METTL2B: variants seen among roughly 807,000 people sequenced by gnomAD.
METTL2B encodes the protein methyltransferase 2B, tRNA N3-cytidine, also known as tRNA N(3)-cytidine methyltransferase METTL2B.
Under a neutral mutation model 51.0 loss-of-function variants are expected in METTL2B, and 28 were observed. That is an observed-to-expected ratio of 0.55 (90% CI 0.41 to 0.75). The LOEUF is 0.75. Among genes scored for constraint, METTL2B ranks in the 30% least tolerant of loss-of-function variants. The probability of loss-of-function intolerance (pLI) is 0.00; values close to 1 mark genes in which losing one functional copy is unlikely to be tolerated. For missense variants in METTL2B, 313 were observed against 460.7 expected, an observed-to-expected ratio of 0.68 and a Z score of 2.93; for synonymous variants, 128 against 166.3, an observed-to-expected ratio of 0.77 and a Z score of 1.77.
At chr7:128,484,234 T>TTTTTTTTTTGTTTTTG (rs1792656678) in intron 4 of METTL2B, 2 of 127,280 alleles carry the variant, frequency 1.6e-5, no homozygotes, top group East Asian at 5.1e-4. Flanking sequence ...TTTTTTTTTT[T>TTTTTTTTTTGTTTTTG]TTTTTTTTTT....
Position 128,503,599 on chromosome 7 carries a change from TA to T in METTL2B, c.*1685del, listed in dbSNP as rs1793070738. ...GCAGGTGGGCACCATCATGCCTAGC[TA>T]ATTGTTAGATCCTTTTTTTTTATGT... On this transcript the variant is annotated 3_prime_UTR_variant, in exon 9 of 9. Transcript: ENST00000262432. The T allele has an allele frequency of 6.6e-6, 1 of 152,230 alleles. No homozygotes were observed. Among genetic ancestry groups the T allele is most frequent in the Non-Finnish European group, 1.5e-5 (1 of 68,048 alleles). The allele number at this position is 152,230 out of a possible 1,614,324, so 9.4% of individuals were successfully genotyped here. A position where few individuals can be genotyped will look rare whatever the true frequency, so the allele number is the denominator to read the frequency against.
rs148691648 is a variant in METTL2B, at chr7:128,498,130, C to T, written c.904C>T (p.Arg302Trp). ...DYGRYDMAQL[R>W]FKKGQCLSGN... ...CGGCCGCTATGACATGGCTCAGCTTCGGTTTAAAAAAGGTATTTTGAGAGT... is the reference window on the plus strand; with the variant it reads ...CGGCCGCTATGACATGGCTCAGCTTTGGTTTAAAAAAGGTATTTTGAGAGT... Residue 302 changes from arginine (R) to tryptophan (W), a missense_variant, in exon 7 of 9, where the codon CGG becomes TGG. Physicochemically the swap from Arg to Trp is moderately radical, Grantham distance 101 (BLOSUM62 -3). Transcript: ENST00000262432. The T allele has an allele frequency of 5.6e-5, 91 of 1,613,636 alleles. No individual in the cohort carries two copies. The African/African-American group carries it at 8.1e-4, about 14-fold the overall frequency.
rs1793076109 is a variant in METTL2B, at chr7:128,503,969, G to C, written c.*2053G>C. The C allele has an allele frequency of 6.6e-6, 1 of 152,202 alleles. No individual in the cohort carries two copies. The highest frequency in any genetic ancestry group is 6.6e-5 in the Admixed American group (1 of 15,264). 9.4% of individuals were successfully genotyped at this position (152,202 alleles called of 1,614,324 possible). A position where few individuals can be genotyped will look rare whatever the true frequency, so the allele number is the denominator to read the frequency against. Reference sequence around the variant, plus strand: ...GCTGAGATGGTGCCATTGCACTCCAGCCTGGGCGACAAGAGCGAAACTGCA... The same window carrying C: ...GCTGAGATGGTGCCATTGCACTCCACCCTGGGCGACAAGAGCGAAACTGCA... On this transcript the variant is annotated 3_prime_UTR_variant, in exon 9 of 9. Coordinates refer to ENST00000262432, the MANE Select transcript of METTL2B (RefSeq NM_018396.3).
rs370089224 is a variant in METTL2B, at chr7:128,498,081, G to A, written c.855G>A (p.Gly285=). ...GGCTGAGCAGGCTTCTGAAACCTGG[G>A]GGGATGGTACTTCTGCGAGATTACG... is the stretch of plus-strand genomic sequence containing the variant. ...INRLSRLLKP[G]GMVLLRDYGR... is the part of the protein sequence containing the mutation. The change falls in exon 7 of 9, where the codon GGG becomes GGA. Residue 285 remains glycine (G), a synonymous_variant. Transcript: ENST00000262432. 1.9e-6 allele frequency: 3 copies of A among 1,613,866 alleles called. No individual in the cohort carries two copies. Among genetic ancestry groups the A allele is most frequent in the Non-Finnish European group, 2.5e-6 (3 of 1,179,954 alleles).
rs1294997519 is a variant in METTL2B, at chr7:128,502,103, A to G, written c.*187A>G. The G allele has an allele frequency of 2.9e-6, 2 of 689,696 alleles. No individual in the cohort carries two copies. The highest frequency in any genetic ancestry group is 3.6e-5 in the African/African-American group (2 of 54,960). The allele number at this position is 689,696 out of a possible 1,614,324, so 42.7% of individuals were successfully genotyped here. On this transcript the variant is annotated 3_prime_UTR_variant, in exon 9 of 9. Coordinates refer to ENST00000262432, the MANE Select transcript of METTL2B (RefSeq NM_018396.3). ...GCGAGAGACCCTGAATCTGAAAGTA[A>G]TGATAAAATAAAAAGAATATAAATG... is the stretch of plus-strand genomic sequence containing the variant.
At chr7:128,481,405 G>A (rs1254591413) in intron 4 of METTL2B, among the ~76,000 whole-genome samples, 1 of 152,220 alleles carries the variant, frequency 6.6e-6, no homozygotes, top group African/African-American at 2.4e-5. Context: ...CCTACAGGCT[G>A]TAAATCAGGG....
At chr7:128,478,152 A>C (rs185680263) in intron 2 of METTL2B, among the ~76,000 whole-genome samples, 41 of 151,884 alleles carry the variant, frequency 2.7e-4, no homozygotes, top group African/African-American at 9.7e-4. Context: ...TATTCTTTCT[A>C]CTACACTAGT....
chr7:128,493,721 A>T (rs1325668706), intron 5 of METTL2B, 83 bp from the exon 6 acceptor site: 5 of 1,509,588 alleles, frequency 3.3e-6, no homozygotes, highest in Non-Finnish European at 4.4e-6. Flanking sequence ...CAACAGTTAC[A>T]TTTAAAATTT....
At chr7:128,480,809 T>G in intron 4 of METTL2B, 113 bp downstream of exon 4, 1 of 1,194,140 alleles carries the variant, frequency 8.4e-7, no homozygotes, top group South Asian at 1.5e-5. Context: ...GCAGGATTGC[T>G]TGAGGCCAGG....
rs1584790593 is a variant in METTL2B, at chr7:128,484,232, T to TTGTTTTTTTTTTTTTTTTTTTTG, written c.608+3537_608+3538insGTTTTTTTTTTTTTTTTTTTTGT. On this transcript the variant is annotated intron_variant, in intron 4 of 8. Transcript: ENST00000262432. ...TGCCTAGATCCTTTTTTTTTTTTTT[T>TTGTTTTTTTTTTTTTTTTTTTTG]TTTTTTTTTTTTTGAGACAGGATTT... 2 of 83,558 alleles carry TTGTTTTTTTTTTTTTTTTTTTTG rather than the reference T, an allele frequency of 2.4e-5. 1 individual carries two copies. The highest frequency in any genetic ancestry group is 1.0e-4 in the African/African-American group (2 of 20,082). 5.2% of individuals were successfully genotyped at this position (83,558 alleles called of 1,614,324 possible).
At position 128,502,344 on chromosome 7, in the gene METTL2B, A is replaced by AG. The variant is rs1793044589; in HGVS notation, c.*428_*429insG. The AG allele has an allele frequency of 8.5e-6, 1 of 118,178 alleles. No homozygotes were observed. Among genetic ancestry groups the AG allele is most frequent in the African/African-American group, 2.4e-4 (1 of 4,166 alleles). 7.3% of individuals were successfully genotyped at this position (118,178 alleles called of 1,614,324 possible). ...TCAAAGGAATTGTAAACCTTAAACC[A>AG]CCATTTATTTCCATGTGAAAAAGTG... is the stretch of plus-strand genomic sequence containing the variant. On this transcript the variant is annotated 3_prime_UTR_variant, in exon 9 of 9. Coordinates refer to ENST00000262432, the MANE Select transcript of METTL2B (RefSeq NM_018396.3).
chr7:128,491,469 C>T (rs1236691187), intron 5 of METTL2B, among the ~76,000 whole-genome samples: 3 of 151,994 alleles, frequency 2.0e-5, no homozygotes, highest in Non-Finnish European at 4.4e-5. Context: ...TGGTAGGTGC[C>T]TGTAGTCCCA....
At position 128,479,341 on chromosome 7, in the gene METTL2B, A is replaced by T; in HGVS notation, c.386A>T (p.Asn129Ile). The T allele has an allele frequency of 1.2e-6, 2 of 1,614,260 alleles. No homozygotes were observed. Among genetic ancestry groups the T allele is most frequent in the Non-Finnish European group, 1.7e-6 (2 of 1,180,042 alleles). The change falls in exon 3 of 9, where the codon AAT becomes ATT. Residue 129 changes from asparagine (N) to isoleucine (I), a missense_variant. Physicochemically the swap from Asn to Ile is moderately radical, Grantham distance 149. This residue lies in a region of METTL2B where 67 missense variants were observed against 101.4 expected (regional missense o/e 0.66). Transcript: ENST00000262432. ...NKSEVCECRN[N>I]EDGPGLIMEE... ...AGTGAAGTATGTGAATGTAGAAACA[A>T]TGAGGATGGACCTGGTTTAATAATG...
In METTL2B at chr7:128,477,158, T is replaced by C. The variant is rs1799812348; in HGVS notation, c.187T>C (p.Cys63Arg). The change falls in exon 2 of 9, where the codon TGC becomes CGC. Residue 63 changes from cysteine (C) to arginine (R), a missense_variant. Around this residue, in one of 4 missense-constraint regions of METTL2B, gnomAD observed 67 missense variants for 101.4 expected, o/e 0.66. Transcript: ENST00000262432. ...KVQENSIQRVCQEKQVDYEIN... is the reference protein window; with the variant it reads ...KVQENSIQRVRQEKQVDYEIN... ...CCAGGAGAACAGTATCCAGCGGGTG[T>C]GCCAGGAGAAACAAGGTGCGCTTAA... 6 of 1,613,494 alleles carry C rather than the reference T, an allele frequency of 3.7e-6. No homozygotes were observed. Among genetic ancestry groups the C allele is most frequent in the Non-Finnish European group, 5.1e-6 (6 of 1,179,770 alleles).
intron 7 of METTL2B, among the ~76,000 whole-genome samples, chr7:128,498,767 G>C (rs1584797624): frequency 6.6e-6 from 1 of 152,170 alleles, no homozygotes; most frequent in Non-Finnish European, 1.5e-5. Context: ...GGGAGGCCGA[G>C]TCGGGCAGAT....
In METTL2B at chr7:128,479,289, T is replaced by C. The variant is rs753440902; in HGVS notation, c.334T>C (p.Leu112=). Residue 112 remains leucine (L), a synonymous_variant, in exon 3 of 9, where the codon TTG becomes CTG. Transcript: ENST00000262432. The stretch of plus-strand genomic sequence containing the variant: ...GGCACCTAGCCAAAATCAAAATCAT[T>C]TGAAGGATTGGTTCTTGGAGAACAA... ...ELAPSQNQNH[L]KDWFLENKSE... The C allele has an allele frequency of 1.2e-6, 2 of 1,614,202 alleles. No homozygotes were observed. The highest frequency in any genetic ancestry group is 3.3e-5 in the Admixed American group (2 of 60,024).
rs1230094773 is a variant in METTL2B at position 128,493,835 on chromosome 7, T to C, written c.701T>C (p.Phe234Ser). The change falls in exon 6 of 9, where the codon TTT (phenylalanine) becomes TCT (serine). Residue 234 changes from phenylalanine (F) to serine (S), a missense_variant. By Grantham distance (155) the Phe-to-Ser change is radical. This residue lies in a region of METTL2B where 138 missense variants were observed against 187.6 expected (regional missense o/e 0.74). Coordinates refer to ENST00000262432, the MANE Select transcript of METTL2B (RefSeq NM_018396.3). ...TNSEYDPSRC[F>S]AFVHDLCDEE... ...TCAGAATATGATCCTTCTCGGTGTT[T>C]TGCCTTTGTTCACGACCTGTGTGAT... 1.9e-6 allele frequency: 3 copies of C among 1,610,328 alleles called. No individual in the cohort carries two copies. The highest frequency in any genetic ancestry group is 3.4e-5 in the Admixed American group (2 of 58,452).
intron 8 of METTL2B, 124 bp downstream of exon 8, chr7:128,501,092 G>A (rs367751573): frequency 8.4e-5 from 130 of 1,542,592 alleles, no homozygotes; most frequent in African/African-American, 7.1e-4. Flanking sequence ...TCGGTTCCCC[G>A]CTGCTCACAC....
At chr7:128,498,495 T>TA (rs906590769) in intron 7 of METTL2B, among the ~76,000 whole-genome samples, 34 of 144,252 alleles carry the variant, frequency 2.4e-4, no homozygotes, top group South Asian at 8.9e-4. Context: ...AGTATAATTT[T>TA]AAAAAAAAAA....
Sources: allele counts gnomAD v4.1 joint callset (sites outside exome capture counted in the v4.1 genomes callset), GRCh38; gene constraint gnomAD v4.1.1; regional missense constraint gnomAD v4.1.1; transcripts MANE v1.5; gene names NCBI Gene and HGNC (gene_info 2026-07-23, HGNC 2026-07-21).